SHC2: variants seen among roughly 807,000 people sequenced by gnomAD.
The protein encoded by SHC2 is SHC-transforming protein 2.
Under a neutral mutation model 60.6 loss-of-function variants are expected in SHC2, and 62 were observed. That is an observed-to-expected ratio of 1.02 (90% CI 0.83 to 1.26). SHC2 has a LOEUF of 1.26. Ranked by LOEUF, SHC2 falls within the 50% of genes most tolerant of loss-of-function variation. The probability of loss-of-function intolerance (pLI) is 0.00; values close to 1 mark genes in which losing one functional copy is unlikely to be tolerated. For missense variants in SHC2, 873 were observed against 822.2 expected (o/e 1.06, Z -0.76); for synonymous variants, 375 against 372.4 (o/e 1.01, Z -0.08).
At chr19:451,337 C>T (rs932776591) in intron 1 of SHC2, among the ~76,000 whole-genome samples, 14 of 150,988 alleles carry the variant, frequency 9.3e-5, no homozygotes, top group Middle Eastern at 3.4e-3. Flanking sequence ...ATGGCCACGC[C>T]GTGGCTGTGC....
chr19:429,946 A>G (rs1974531245), intron 9 of SHC2, among the ~76,000 whole-genome samples: 1 of 145,612 alleles, frequency 6.9e-6, no homozygotes, highest in Admixed American at 6.9e-5. Context: ...CCCAACGTGC[A>G]CAGAAACCTA....
intron 1 of SHC2, among the ~76,000 whole-genome samples, chr19:450,085 G>T (rs891738596): frequency 1.3e-5 from 2 of 152,348 alleles, no homozygotes; most frequent in African/African-American, 4.8e-5. Context: ...GCTTTCCACA[G>T]GGGCGAGGGG....
At position 425,450 on chromosome 19, in the gene SHC2, C is replaced by T. The variant is rs918465073; in HGVS notation, c.1175-219G>A. On this transcript the variant is annotated intron_variant, in intron 9 of 12. Transcript: ENST00000264554. The surrounding 1 kb of genome is among the most constrained non-coding windows in gnomAD (Gnocchi z 4.1). ...GCCCCGTCGGGGCTCCAACCAGGGA[C>T]AAGAGTGGGGCAGCGTGCGGCTGGG... Among the ~76,000 whole-genome samples, 1 of 152,204 alleles carries T rather than the reference C, an allele frequency of 6.6e-6. No individual in the cohort carries two copies.
In SHC2 at chr19:425,186, G is replaced by C. The variant is rs758807840; in HGVS notation, c.1220C>G (p.Pro407Arg). The change falls in exon 10 of 13, where the codon CCG becomes CGG. Residue 407 changes from proline to arginine, a missense_variant. By Grantham distance (103) the Pro-to-Arg change is moderately radical (BLOSUM62 -2). Coordinates refer to ENST00000264554, the MANE Select transcript of SHC2 (RefSeq NM_012435.3). This position sits in a 1 kb window ranked among gnomAD's most constrained non-coding sequence, Gnocchi z 4.1. ...GYVQADARGP[P>R]DHEEHLYVNT... ...GACATACAGGTGCTCCTCGTGGTCCGGGGGGCCCCGGGCGTCCGCCTGCAC... is the reference window on the plus strand; with the variant it reads ...GACATACAGGTGCTCCTCGTGGTCCCGGGGGCCCCGGGCGTCCGCCTGCAC... 1.5e-6 allele frequency: 2 copies of C among 1,344,474 alleles called. No individual in the cohort carries two copies. The highest frequency in any genetic ancestry group is 1.9e-6 in the Non-Finnish European group (2 of 1,038,100). 83.3% of individuals were successfully genotyped at this position (1,344,474 alleles called of 1,614,324 possible). A position where few individuals can be genotyped will look rare whatever the true frequency, so the allele number is the denominator to read the frequency against.
At chr19:447,707 A>G (rs1030245487) in intron 1 of SHC2, among the ~76,000 whole-genome samples, 2 of 152,064 alleles carry the variant, frequency 1.3e-5, no homozygotes, top group Non-Finnish European at 2.9e-5. Context: ...GAACCTGGGA[A>G]GCGGAGGTTG....
At chr19:460,132 T>C (rs888485291) in intron 1 of SHC2, among the ~76,000 whole-genome samples, 2 of 152,134 alleles carry the variant, frequency 1.3e-5, no homozygotes, top group African/African-American at 2.4e-5. Context: ...AAACACCCCT[T>C]CCCGCACCCC....
In SHC2 at chr19:430,613, G is replaced by A. The variant is rs115028205; in HGVS notation, c.1174+71C>T. ...CAGAGAGGAGAAAGACTGAGGGGGA[G>A]CCAGCACAGGACAGGGCTGAGGAGC... On this transcript the variant is annotated intron_variant, in intron 9 of 12. Transcript: ENST00000264554. The A allele has an allele frequency of 2.8e-3, 3,441 of 1,230,370 alleles. 82 individuals carry two copies. The African/African-American group carries it at 0.046, about 16-fold the overall frequency. The allele number at this position is 1,230,370 out of a possible 1,614,324, so 76.2% of individuals were successfully genotyped here.
chr19:444,685 G>T (rs1232302173), intron 1 of SHC2, among the ~76,000 whole-genome samples: 1 of 152,162 alleles, frequency 6.6e-6, no homozygotes, highest in Admixed American at 6.5e-5. Flanking sequence ...TAACGATACC[G>T]ACACCTCGCT....
At chr19:454,730 C>T (rs1045147750) in intron 1 of SHC2, among the ~76,000 whole-genome samples, 52 of 151,790 alleles carry the variant, frequency 3.4e-4, no homozygotes, top group Admixed American at 2.5e-3. Context: ...GCGGAGGTTG[C>T]GGTGAGCCGA....
At chr19:454,745 G>A (rs1261523211) in intron 1 of SHC2, among the ~76,000 whole-genome samples, 11 of 151,960 alleles carry the variant, frequency 7.2e-5, no homozygotes, top group Admixed American at 5.2e-4. Context: ...AGCCGAGATC[G>A]CGCCACGGCA....
chr19:434,768 C>G lies in SHC2; in HGVS notation c.1051G>C (p.Gly351Arg). Residue 351 changes from glycine (G) to arginine (R), a missense_variant, in exon 8 of 13, where the codon GGG (glycine) becomes CGG (arginine). Coordinates refer to ENST00000264554, the MANE Select transcript of SHC2 (RefSeq NM_012435.3). ...SIPGKEPPLGGLVDSRLALTQ... is the reference protein window; with the variant it reads ...SIPGKEPPLGRLVDSRLALTQ... ...AGGGCCAGCCTGGAGTCCACTAGCC[C>G]GCCCAGCGGCGGCTCCTTCCCCGGG... 1 of 1,612,860 alleles carries G rather than the reference C, an allele frequency of 6.2e-7. No individual in the cohort carries two copies.
In SHC2 at chr19:429,930, T is replaced by C. The variant is rs148378549; in HGVS notation, c.1174+754A>G. Among the ~76,000 whole-genome samples the C allele has an allele frequency of 7.1e-3, 741 of 104,528 alleles. 8 individuals carry two copies. Among genetic ancestry groups the C allele is most frequent in the African/African-American group, 0.027 (693 of 25,868 alleles). 68.6% of individuals were successfully genotyped at this position (104,528 alleles called of 152,430 possible). A position where few individuals can be genotyped will look rare whatever the true frequency, so the allele number is the denominator to read the frequency against. On this transcript the variant is annotated intron_variant, in intron 9 of 12. Coordinates refer to ENST00000264554, the MANE Select transcript of SHC2 (RefSeq NM_012435.3). ...CTAATACCGTGTGGATGACACAGTA[T>C]CTACACCCAACGTGCACAGAAACCT...
chr19:440,732 G>A lies in SHC2; in HGVS notation c.539+130C>T, dbSNP rs1336552731. 4 of 754,486 alleles carry A rather than the reference G, an allele frequency of 5.3e-6. No homozygotes were observed. Among genetic ancestry groups the A allele is most frequent in the African/African-American group, 3.4e-5 (2 of 58,766 alleles). The allele number at this position is 754,486 out of a possible 1,614,324, so 46.7% of individuals were successfully genotyped here. A position where few individuals can be genotyped will look rare whatever the true frequency, so the allele number is the denominator to read the frequency against. On this transcript the variant is annotated intron_variant, in intron 2 of 12. Coordinates refer to ENST00000264554, the MANE Select transcript of SHC2 (RefSeq NM_012435.3). This position sits in a 1 kb window ranked among gnomAD's most constrained non-coding sequence, Gnocchi z 7.0. ...CGTGGCGTGAAGTGGGAGGGAGGTG[G>A]GGGGCACCGAGGCTGCGTCCTGGGA...
Position 422,544 on chromosome 19 carries a change from G to A in SHC2, c.1310-88C>T, listed in dbSNP as rs945402396. The A allele has an allele frequency of 8.9e-7, 1 of 1,128,788 alleles. No individual in the cohort carries two copies. Among genetic ancestry groups the A allele is most frequent in the African/African-American group, 1.6e-5 (1 of 63,332 alleles). 69.9% of individuals were successfully genotyped at this position (1,128,788 alleles called of 1,614,324 possible). A position where few individuals can be genotyped will look rare whatever the true frequency, so the allele number is the denominator to read the frequency against. On this transcript the variant is annotated intron_variant, in intron 10 of 12. Transcript: ENST00000264554. This position sits in a 1 kb window ranked among gnomAD's most constrained non-coding sequence, Gnocchi z 5.0. ...AGAGCTGGGAGAAACGGGTTCCCCG[G>A]GGAGTCCCTCGTGCACCCGTCGGCC...
chr19:426,601 C>G (rs1283949879), intron 9 of SHC2, among the ~76,000 whole-genome samples: 2 of 3,430 alleles, frequency 5.8e-4, no homozygotes, highest in Admixed American at 2.6e-3. Flanking sequence ...GAGGACGACA[C>G]CGAGAGGGGC....
chr19:428,890 G>A (rs1294499207), intron 9 of SHC2, among the ~76,000 whole-genome samples: 1 of 151,888 alleles, frequency 6.6e-6, no homozygotes, highest in East Asian at 1.9e-4. Flanking sequence ...CCGTGTGGAT[G>A]ACGCAGTACC....
chr19:434,983 G>C, intron 7 of SHC2, 118 bp from the exon 8 acceptor site: 2 of 1,049,526 alleles, frequency 1.9e-6, no homozygotes, highest in Non-Finnish European at 2.7e-6. Context: ...CCCCCCACCT[G>C]TCACTGAGGG....
At chr19:429,079 C>T (rs955411700) in intron 9 of SHC2, among the ~76,000 whole-genome samples, 2 of 145,798 alleles carry the variant, frequency 1.4e-5, no homozygotes, top group African/African-American at 2.6e-5. Context: ...AACCTCATAC[C>T]GTGTGGATGA....
chr19:441,052 C>G lies in SHC2; in HGVS notation c.469-120G>C. 2.6e-6 allele frequency: 4 copies of G among 1,512,588 alleles called. No individual in the cohort carries two copies. The South Asian group carries it at 4.9e-5, about 19-fold the overall frequency. The allele number at this position is 1,512,588 out of a possible 1,614,324, so 93.7% of individuals were successfully genotyped here. On this transcript the variant is annotated intron_variant, in intron 1 of 12. Transcript: ENST00000264554. The surrounding 1 kb of genome is among the most constrained non-coding windows in gnomAD (Gnocchi z 4.9). ...TGGGGTCGAGCCCTTTCCTCTGTCC[C>G]TGGTGGCTCTGGGGCCGTCGTGCCT...
Sources: gnomAD v4.1 joint callset for allele counts (sites outside exome capture counted in the v4.1 genomes callset) on GRCh38, gnomAD v4.1.1 for gene constraint, Gnocchi (gnomAD v3.1) non-coding constraint, MANE v1.5 for transcripts, NCBI Gene and HGNC (gene_info 2026-07-23, HGNC 2026-07-21) for gene names.